Variants in FCHSD2 observed in about 807,000 individuals in gnomAD.
FCHSD2 encodes F-BAR and double SH3 domains protein 2.
A neutral mutation model predicts 108.1 loss-of-function variants in FCHSD2; 38 were observed. That is an observed-to-expected ratio of 0.35 (90% CI 0.27 to 0.46). The LOEUF is 0.46. FCHSD2 is among the 20% of genes least tolerant of loss of function. The pLI is 1.00. For synonymous variants in FCHSD2, 279 were observed against 314.7 expected, an observed-to-expected ratio of 0.89 and a Z score of 1.20; for missense variants, 751 against 897.8, an observed-to-expected ratio of 0.84 and a Z score of 2.09.
intron 4 of FCHSD2, among the ~76,000 whole-genome samples, chr11:73,008,083 G>A (rs1230858458): frequency 6.6e-6 from 1 of 152,030 alleles, no homozygotes; most frequent in Non-Finnish European, 1.5e-5. Flanking sequence ...AGTGCCTCAC[G>A]CCTGTAGCAC....
chr11:72,954,269 A>G (rs1447408885), intron 8 of FCHSD2, among the ~76,000 whole-genome samples: 3 of 141,476 alleles, frequency 2.1e-5, no homozygotes, highest in Non-Finnish European at 3.0e-5. Context: ...GCAGTGGCAC[A>G]GCATGGCGGC....
intron 3 of FCHSD2, among the ~76,000 whole-genome samples, chr11:73,054,486 CCTGT>C (rs1219566483): frequency 4.6e-5 from 7 of 152,178 alleles, no homozygotes; most frequent in Admixed American, 2.0e-4. Flanking sequence ...TCCTAAAATT[CCTGT>C]CTATTTTGGA....
intron 10 of FCHSD2, among the ~76,000 whole-genome samples, chr11:72,898,728 ATTTTT>A (rs35118990): frequency 7.3e-6 from 1 of 137,818 alleles, no homozygotes. Context: ...TTTTCTTTCT[ATTTTT>A]TTTTTTTTTT....
intron 3 of FCHSD2, among the ~76,000 whole-genome samples, chr11:73,052,831 G>A (rs1858932726): frequency 6.6e-6 from 1 of 152,024 alleles, no homozygotes; most frequent in Non-Finnish European, 1.5e-5. Context: ...AGATATTTAG[G>A]ACATATTCCA....
intron 2 of FCHSD2, among the ~76,000 whole-genome samples, chr11:73,094,553 T>C (rs1860032860): frequency 1.3e-5 from 2 of 152,202 alleles, no homozygotes; most frequent in African/African-American, 4.8e-5. Context: ...TATTTATTCT[T>C]AAATGGAGTA....
chr11:72,986,499 G>A (rs571984091), intron 6 of FCHSD2, among the ~76,000 whole-genome samples: 69 of 152,268 alleles, frequency 4.5e-4, no homozygotes, highest in African/African-American at 1.3e-3. Context: ...GTGAGCCACC[G>A]TGCCCGGCCC....
At chr11:72,951,931 C>G (rs929438428) in intron 8 of FCHSD2, among the ~76,000 whole-genome samples, 1 of 152,188 alleles carries the variant, frequency 6.6e-6, no homozygotes, top group African/African-American at 2.4e-5. Flanking sequence ...AATACTGTAA[C>G]AGCTATACTC....
chr11:73,103,422 T>A (rs1860268912), intron 2 of FCHSD2, among the ~76,000 whole-genome samples: 2 of 152,204 alleles, frequency 1.3e-5, no homozygotes, highest in South Asian at 4.1e-4. Context: ...AAGATTTAAT[T>A]AGACTTAGTT....
At chr11:72,885,280 G>C (rs1855173482) in intron 12 of FCHSD2, among the ~76,000 whole-genome samples, 1 of 152,130 alleles carries the variant, frequency 6.6e-6, no homozygotes, top group South Asian at 2.1e-4. Context: ...AAATGCTACA[G>C]ATATTCAAAA....
chr11:72,914,747 A>C (rs1255258516), intron 9 of FCHSD2, among the ~76,000 whole-genome samples: 1 of 152,214 alleles, frequency 6.6e-6, no homozygotes, highest in African/African-American at 2.4e-5. Flanking sequence ...GATGGACTAA[A>C]GACTTAAATG....
chr11:72,873,074 A>G (rs1316626920), intron 12 of FCHSD2, among the ~76,000 whole-genome samples: 1 of 142,204 alleles, frequency 7.0e-6, no homozygotes, highest in Non-Finnish European at 1.6e-5. Context: ...TCATGCCTAT[A>G]ATCCCAGCAC....
At chr11:73,034,323 C>A (rs2043910373) in intron 3 of FCHSD2, among the ~76,000 whole-genome samples, 1 of 152,180 alleles carries the variant, frequency 6.6e-6, no homozygotes, top group South Asian at 2.1e-4. Context: ...AGTGCTCACA[C>A]CTACTTCAAA....
chr11:72,886,604 T>C (rs907160022), intron 12 of FCHSD2, among the ~76,000 whole-genome samples: 2 of 152,174 alleles, frequency 1.3e-5, no homozygotes, highest in Non-Finnish European at 2.9e-5. Context: ...TATAAATGTC[T>C]ACCTCCATAC....
intron 13 of FCHSD2, among the ~76,000 whole-genome samples, chr11:72,854,724 G>A (rs1861377192): frequency 6.6e-6 from 1 of 152,236 alleles, no homozygotes; most frequent in South Asian, 2.1e-4. Flanking sequence ...CTACTTATTT[G>A]AGGTATGCAG....
intron 2 of FCHSD2, among the ~76,000 whole-genome samples, chr11:73,091,711 T>C (rs571462996): frequency 1.3e-5 from 2 of 152,220 alleles, no homozygotes; most frequent in South Asian, 4.1e-4. Flanking sequence ...TGGAATTTCC[T>C]CCCGTTATTT....
intron 10 of FCHSD2, among the ~76,000 whole-genome samples, chr11:72,894,096 T>C (rs990919239): frequency 9.2e-5 from 14 of 152,206 alleles, no homozygotes; most frequent in African/African-American, 3.1e-4. Flanking sequence ...TGGTCATGTA[T>C]GATGAATGAA....
rs1383394081 is a variant in FCHSD2, at chr11:72,843,165, T to C, written c.1691A>G (p.Asn564Ser). 2 of 1,613,998 alleles carry C rather than the reference T, an allele frequency of 1.2e-6. No individual in the cohort carries two copies. Among genetic ancestry groups the C allele is most frequent in the East Asian group, 2.2e-5 (1 of 44,886 alleles). ...TEAELVSGSL[N>S]GDASVCFVKA... The stretch of plus-strand genomic sequence containing the variant: ...TCAGTCTTTACCACTGGCATCTCCG[T>C]TGAGGCTGCCTGAAACGAGTTCTGC... Residue 564 changes from asparagine (N) to serine (S), a missense_variant, in exon 16 of 20, where the codon AAC (asparagine) becomes AGC (serine). By Grantham distance (46) the Asn-to-Ser change is conservative. Coordinates refer to ENST00000409418, the MANE Select transcript of FCHSD2 (RefSeq NM_014824.3).
intron 8 of FCHSD2, among the ~76,000 whole-genome samples, chr11:72,950,563 A>G (rs1400288629): frequency 1.3e-5 from 2 of 152,212 alleles, no homozygotes; most frequent in African/African-American, 4.8e-5. Flanking sequence ...CAGTTGTGCC[A>G]GTACAATTTG....
At chr11:73,126,116 C>T (rs567229865) in intron 2 of FCHSD2, among the ~76,000 whole-genome samples, 4 of 151,532 alleles carry the variant, frequency 2.6e-5, no homozygotes, top group East Asian at 3.9e-4. Context: ...CCGAGGTGGG[C>T]GGATCACAAG....
Sources: allele counts gnomAD v4.1 joint callset (sites outside exome capture counted in the v4.1 genomes callset), GRCh38; gene constraint gnomAD v4.1.1; transcripts MANE v1.5; gene names NCBI Gene and HGNC (gene_info 2026-07-23, HGNC 2026-07-21).